REPS2: variants seen among roughly 807,000 people sequenced by gnomAD.
REPS2 encodes RALBP1 associated Eps domain containing 2.
REPS2 carries 23 observed loss-of-function variants against 53.6 expected under a neutral mutation model. The ratio of observed to expected loss-of-function variants is 0.43; its 90% confidence interval spans 0.31 to 0.61. REPS2 has a LOEUF of 0.61. Ranked by LOEUF, REPS2 falls within the 20% of genes least tolerant of loss-of-function variation. REPS2 has a pLI of 0.11. For missense variants in REPS2, 446 were observed against 534.9 expected (o/e 0.83, Z 1.64); for synonymous variants, 238 against 218.6 (o/e 1.09, Z -0.78).
At chrX:16,963,476 C>G (rs1019077599) in intron 1 of REPS2, among the ~76,000 whole-genome samples, 13 of 112,656 alleles carry the variant, frequency 1.2e-4, no homozygotes, top group Admixed American at 3.7e-4. Flanking sequence ...GAATGTATAG[C>G]AGGCTGCTTT....
chrX:17,185,407 G>C, the REPS2 span, among the ~76,000 whole-genome samples: 53 of 111,751 alleles, frequency 4.7e-4, no homozygotes, highest in African/African-American at 1.7e-3. Flanking sequence ...TCCTCTTGAT[G>C]AGAGAATTTG....
Position 16,948,653 on chromosome X carries a change from C to G in REPS2, c.273+1519C>G, listed in dbSNP as rs147379366. On this transcript the variant is annotated intron_variant, in intron 1 of 17. Coordinates refer to ENST00000357277, the MANE Select transcript of REPS2 (RefSeq NM_004726.3). ...ATAAGAGGAGGTGGGCATAGTAAAT[C>G]TGAATATGTTGGTTGATGCCTCTTT... 7.9e-3 allele frequency among the ~76,000 whole-genome samples: 888 copies of G among 112,074 alleles called. 13 individuals carry two copies. Among genetic ancestry groups the G allele is most frequent in the African/African-American group, 0.028 (862 of 30,804 alleles).
intron 1 of REPS2, among the ~76,000 whole-genome samples, chrX:16,975,472 G>A (rs1377136648): frequency 9.0e-6 from 1 of 111,199 alleles, no homozygotes; most frequent in East Asian, 2.8e-4. Flanking sequence ...GATCAGTGAT[G>A]TTGTGGTTTT....
intron 1 of REPS2, among the ~76,000 whole-genome samples, chrX:16,985,833 A>C (rs2061084419): frequency 9.0e-6 from 1 of 111,564 alleles, no homozygotes; most frequent in Non-Finnish European, 1.9e-5. Flanking sequence ...TAGAGGTTAT[A>C]ATGAAAACAA....
At chrX:17,180,757 A>G in the REPS2 span, among the ~76,000 whole-genome samples, 2 of 111,400 alleles carry the variant, frequency 1.8e-5, no homozygotes, top group Non-Finnish European at 3.8e-5. Flanking sequence ...TAACCTCCAC[A>G]CAGATGATAG....
At chrX:17,153,959 G>A (rs755518858), downstream of REPS2, among the ~76,000 whole-genome samples, 66 of 111,144 alleles carry the variant, frequency 5.9e-4, no homozygotes, top group Admixed American at 2.5e-3. Flanking sequence ...CTATGCAAGC[G>A]GTTCTCAAAG....
intron 13 of REPS2, among the ~76,000 whole-genome samples, chrX:17,094,106 G>C (rs1432120788): frequency 2.7e-5 from 3 of 111,511 alleles, no homozygotes; most frequent in Admixed American, 9.5e-5. Context: ...TTCTTGTTTT[G>C]GTGAAGCACA....
At chrX:17,025,510 T>C (rs1464247458) in intron 4 of REPS2, among the ~76,000 whole-genome samples, 2 of 112,316 alleles carry the variant, frequency 1.8e-5, no homozygotes, top group African/African-American at 6.5e-5. Context: ...GGAATTGTTA[T>C]TCCTTTCTGT....
intron 1 of REPS2, among the ~76,000 whole-genome samples, chrX:16,971,068 G>C (rs1366281636): frequency 8.9e-6 from 1 of 112,242 alleles, no homozygotes; most frequent in Non-Finnish European, 1.9e-5. Flanking sequence ...GAACTGCCAG[G>C]CTCTTTTGCA....
chrX:17,099,120 A>G (rs1603013769), intron 13 of REPS2, among the ~76,000 whole-genome samples: 1 of 111,669 alleles, frequency 9.0e-6, no homozygotes, highest in East Asian at 2.8e-4. Flanking sequence ...AGGGAACACC[A>G]TGGCTTATAG....
intron 6 of REPS2, among the ~76,000 whole-genome samples, chrX:17,050,870 C>A (rs1014943007): frequency 1.2e-4 from 13 of 111,472 alleles, no homozygotes; most frequent in South Asian, 7.5e-4. Flanking sequence ...CAGTTACATT[C>A]TTTAAGTTAT....
chrX:17,014,331 G>C (rs922592856), intron 2 of REPS2, among the ~76,000 whole-genome samples: 2 of 111,789 alleles, frequency 1.8e-5, no homozygotes, highest in African/African-American at 6.5e-5. Context: ...GGTTCTACCC[G>C]TGGTATGGCC....
chrX:17,103,706 T>G lies in REPS2; in HGVS notation c.1517-12T>G. The G allele has an allele frequency of 8.3e-7, 1 of 1,209,388 alleles. No individual in the cohort carries two copies. Among genetic ancestry groups the G allele is most frequent in the Non-Finnish European group, 1.1e-6 (1 of 893,596 alleles). On this transcript the variant is annotated splice_polypyrimidine_tract_variant and intron_variant, in intron 13 of 17. Coordinates refer to ENST00000357277, the MANE Select transcript of REPS2 (RefSeq NM_004726.3). The stretch of plus-strand genomic sequence containing the variant: ...GGGGGTGATCCTTAATAGTATGTGT[T>G]TTTCTTTTCAGCTACCAAGTCAGGA...
intron 11 of REPS2, among the ~76,000 whole-genome samples, chrX:17,071,379 T>A (rs867745474): frequency 2.1e-5 from 2 of 93,764 alleles, no homozygotes; most frequent in African/African-American, 8.2e-5. Flanking sequence ...TTTTTTTTTT[T>A]AAGGGATTTT....
At chrX:16,995,796 G>A (rs2061227470) in intron 1 of REPS2, among the ~76,000 whole-genome samples, 1 of 111,942 alleles carries the variant, frequency 8.9e-6, no homozygotes, top group Non-Finnish European at 1.9e-5. Context: ...GGGCACTAAA[G>A]CTGGAGAAGG....
intron 5 of REPS2, among the ~76,000 whole-genome samples, chrX:17,036,913 T>G (rs982552043): frequency 2.7e-5 from 3 of 110,044 alleles, no homozygotes; most frequent in Non-Finnish European, 5.7e-5. Context: ...TGTATGTGCC[T>G]TATTCTTGAG....
intron 1 of REPS2, among the ~76,000 whole-genome samples, chrX:16,976,346 G>A (rs2060954639): frequency 9.0e-6 from 1 of 110,729 alleles, no homozygotes; most frequent in Non-Finnish European, 1.9e-5. Context: ...TTACCTCTGG[G>A]GGTGGGGTAT....
At position 17,093,166 on chromosome X, in the gene REPS2, CTATATATATATA is replaced by C. The variant is rs58530978; in HGVS notation, c.1517-10529_1517-10518del. On this transcript the variant is annotated intron_variant, in intron 13 of 17. Coordinates refer to ENST00000357277, the MANE Select transcript of REPS2 (RefSeq NM_004726.3). ...ACAAGGAAAAATGCATGAGTTAATG[CTATATATATATA>C]TATATATATATATATATATATAATT... Among the ~76,000 whole-genome samples the C allele has an allele frequency of 4.1e-4, 16 of 39,122 alleles. 1 individual carries two copies. Among genetic ancestry groups the C allele is most frequent in the Non-Finnish European group, 7.0e-4 (15 of 21,441 alleles). The allele number at this position is 39,122 out of a possible 115,157, so 34.0% of individuals were successfully genotyped here. A position where few individuals can be genotyped will look rare whatever the true frequency, so the allele number is the denominator to read the frequency against.
intron 1 of REPS2, among the ~76,000 whole-genome samples, chrX:16,992,464 T>C (rs1003276836): frequency 8.9e-6 from 1 of 112,346 alleles, no homozygotes; most frequent in Non-Finnish European, 1.9e-5. Context: ...GGCTTCTTAA[T>C]CTGAGTCCTT....
Sources: allele counts gnomAD v4.1 joint callset (sites outside exome capture counted in the v4.1 genomes callset), GRCh38; gene constraint gnomAD v4.1.1; transcripts MANE v1.5; gene names NCBI Gene and HGNC (gene_info 2026-07-23, HGNC 2026-07-21).